PDLIM1: variants seen among roughly 807,000 people sequenced by gnomAD.
PDLIM1 encodes PDZ and LIM domain protein 1.
In PDLIM1, 25 loss-of-function variants were observed where a neutral mutation model predicts 35.2. The observed-to-expected ratio is 0.71, with a 90% confidence interval of 0.52 to 0.99. PDLIM1 has a LOEUF of 0.99. Ranked by LOEUF, PDLIM1 falls within the 50% of genes least tolerant of loss-of-function variation. The pLI is 0.00. For missense variants in PDLIM1, 363 were observed against 415.3 expected, an observed-to-expected ratio of 0.87 and a Z score of 1.09; for synonymous variants, 152 against 154.0, an observed-to-expected ratio of 0.99 and a Z score of 0.10.
intron 4 of PDLIM1, among the ~76,000 whole-genome samples, chr10:95,251,695 G>A (rs1013040623): frequency 6.6e-6 from 1 of 152,180 alleles, no homozygotes; most frequent in Non-Finnish European, 1.5e-5. Flanking sequence ...GGAGAAGATG[G>A]TCTCCTCATA....
Position 95,290,811 on chromosome 10 carries a change from TG to T in PDLIM1, c.96+8del. ...GCCCCGCTTCCACGCACGTCCCAGC[TG>T]CTCTTACCCGGGAAATGGCGAGAGG... On this transcript the variant is annotated splice_region_variant and intron_variant, in intron 1 of 6. Coordinates refer to ENST00000329399, the MANE Select transcript of PDLIM1 (RefSeq NM_020992.4). This position sits in a 1 kb window ranked among gnomAD's most constrained non-coding sequence, Gnocchi z 4.7. 1 of 1,544,114 alleles carries T rather than the reference TG, an allele frequency of 6.5e-7. No individual in the cohort carries two copies. Among genetic ancestry groups the T allele is most frequent in the Non-Finnish European group, 8.8e-7 (1 of 1,140,568 alleles).
At chr10:95,254,080 G>A (rs1277881994) in intron 4 of PDLIM1, among the ~76,000 whole-genome samples, 1 of 152,000 alleles carries the variant, frequency 6.6e-6, no homozygotes, top group Non-Finnish European at 1.5e-5. Context: ...AAACAGAAAT[G>A]GAAAACAGAA....
At chr10:95,281,324 A>C (rs1257825260) in intron 1 of PDLIM1, among the ~76,000 whole-genome samples, 1 of 152,000 alleles carries the variant, frequency 6.6e-6, no homozygotes, top group East Asian at 1.9e-4. Context: ...CATGCCTATA[A>C]TCCCAGTACT....
At chr10:95,285,101 A>G (rs1204003537) in intron 1 of PDLIM1, among the ~76,000 whole-genome samples, 2 of 152,130 alleles carry the variant, frequency 1.3e-5, no homozygotes, top group Non-Finnish European at 2.9e-5. Context: ...ATCCCCCACA[A>G]GCAGGTCTTT....
intron 4 of PDLIM1, among the ~76,000 whole-genome samples, chr10:95,249,464 A>C (rs1036652673): frequency 6.6e-6 from 1 of 152,266 alleles, no homozygotes; most frequent in Admixed American, 6.5e-5. Flanking sequence ...TAAAGTCTCC[A>C]GCCCACCAGG....
chr10:95,270,138 A>G (rs1409441346), intron 2 of PDLIM1, among the ~76,000 whole-genome samples: 1 of 152,198 alleles, frequency 6.6e-6, no homozygotes, highest in Non-Finnish European at 1.5e-5. Flanking sequence ...TCAATGAATG[A>G]ATGAATGTCC....
chr10:95,260,344 T>C (rs886403361), intron 4 of PDLIM1, among the ~76,000 whole-genome samples: 2 of 152,190 alleles, frequency 1.3e-5, no homozygotes, highest in African/African-American at 4.8e-5. Context: ...CAGTATCATA[T>C]AAACAATGAA....
rs371813071 is a variant in PDLIM1, at chr10:95,257,002, G to GAAAAGAAAAGAAAAGA, written c.533+6861_533+6862insTCTTTTCTTTTCTTTT. The stretch of plus-strand genomic sequence containing the variant: ...AAAAAAAAAAAAAGAAAGAAAGAAA[G>GAAAAGAAAAGAAAAGA]AAAGAAAGAAAGAAAGAAAGAAAGA... On this transcript the variant is annotated intron_variant, in intron 4 of 6. Coordinates refer to ENST00000329399, the MANE Select transcript of PDLIM1 (RefSeq NM_020992.4). Among the ~76,000 whole-genome samples, 518 of 88,632 alleles carry GAAAAGAAAAGAAAAGA rather than the reference G, an allele frequency of 5.8e-3. 9 individuals carry two copies. Among genetic ancestry groups the GAAAAGAAAAGAAAAGA allele is most frequent in the African/African-American group, 0.015 (499 of 32,530 alleles). The allele number at this position is 88,632 out of a possible 152,430, so 58.1% of individuals were successfully genotyped here.
chr10:95,286,802 G>A (rs1430567911), intron 1 of PDLIM1, among the ~76,000 whole-genome samples: 1 of 152,210 alleles, frequency 6.6e-6, no homozygotes, highest in Non-Finnish European at 1.5e-5. Flanking sequence ...GGCAAAGAAT[G>A]CTAGCTTTCC....
chr10:95,238,672 C>A lies in PDLIM1; in HGVS notation c.699G>T (p.Lys233Asn). ...CTTTAACACTTCTGAATCCTGAGGG[C>A]TTGTTGGGATCCCCTGAAATGAGGA... ...LESEEKGDPN[K>N]PSGFRSVKAP... Residue 233 changes from lysine (K) to asparagine (N), a missense_variant, in exon 6 of 7, where the codon AAG becomes AAT. Coordinates refer to ENST00000329399, the MANE Select transcript of PDLIM1 (RefSeq NM_020992.4). 1.2e-6 allele frequency: 2 copies of A among 1,611,098 alleles called. No homozygotes were observed. The highest frequency in any genetic ancestry group is 1.1e-5 in the South Asian group (1 of 91,014).
chr10:95,245,535 T>C, intron 5 of PDLIM1, among the ~76,000 whole-genome samples: 1 of 151,904 alleles, frequency 6.6e-6, no homozygotes, highest in South Asian at 2.1e-4. Context: ...CATTGAAGGG[T>C]TTCACATCCA....
chr10:95,271,613 A>C lies in PDLIM1; in HGVS notation c.248+20T>G. 10 of 1,582,622 alleles carry C rather than the reference A, an allele frequency of 6.3e-6. No homozygotes were observed. The highest frequency in any genetic ancestry group is 8.5e-6 in the Non-Finnish European group (10 of 1,170,762). ...CTTCTAGTCAATCAGAAATGAACAAAACGTTTCCATAGGCTTCACCTGGCT... is the reference window on the plus strand; with the variant it reads ...CTTCTAGTCAATCAGAAATGAACAACACGTTTCCATAGGCTTCACCTGGCT... On this transcript the variant is annotated intron_variant, in intron 2 of 6. Coordinates refer to ENST00000329399, the MANE Select transcript of PDLIM1 (RefSeq NM_020992.4).
At position 95,238,055 on chromosome 10, in the gene PDLIM1, G is replaced by A; in HGVS notation, c.860C>T (p.Thr287Ile). The change falls in exon 7 of 7, where the codon ACT becomes ATT. Residue 287 changes from threonine to isoleucine, a missense_variant. Coordinates refer to ENST00000329399, the MANE Select transcript of PDLIM1 (RefSeq NM_020992.4). ...RHRHPECYVC[T>I]DCGTNLKQKG... ...CTGTTTCAGGTTGGTGCCACAGTCA[G>A]TGCACACATAACACTCAGGGTGGCG... 6.2e-7 allele frequency: 1 copy of A among 1,614,120 alleles called. No homozygotes were observed. Among genetic ancestry groups the A allele is most frequent in the Non-Finnish European group, 8.5e-7 (1 of 1,179,992 alleles).
intron 2 of PDLIM1, among the ~76,000 whole-genome samples, chr10:95,270,509 G>A (rs1042671700): frequency 5.3e-5 from 8 of 152,210 alleles, no homozygotes; most frequent in East Asian, 3.9e-4. Context: ...AATCACTTCC[G>A]AAATCCTGCC....
At chr10:95,282,620 A>G (rs888379711) in intron 1 of PDLIM1, among the ~76,000 whole-genome samples, 2 of 152,302 alleles carry the variant, frequency 1.3e-5, no homozygotes, top group Non-Finnish European at 2.9e-5. Context: ...CAGGTAGCCA[A>G]ATAGAATACT....
intron 1 of PDLIM1, among the ~76,000 whole-genome samples, chr10:95,275,856 G>A (rs2035506604): frequency 6.6e-6 from 1 of 152,050 alleles, no homozygotes; most frequent in African/African-American, 2.4e-5. Context: ...GAGTAATTGA[G>A]GTCTGGTCAT....
intron 4 of PDLIM1, among the ~76,000 whole-genome samples, chr10:95,261,200 A>G (rs1028728547): frequency 1.3e-5 from 2 of 152,228 alleles, no homozygotes; most frequent in South Asian, 2.1e-4. Context: ...GAAGAGAGAC[A>G]TTAATGAAGG....
chr10:95,265,157 C>A (rs2035401154), intron 3 of PDLIM1, among the ~76,000 whole-genome samples: 1 of 152,086 alleles, frequency 6.6e-6, no homozygotes, highest in South Asian at 2.1e-4. Context: ...TCATCTGTTG[C>A]ACTTCCTTTT....
intron 2 of PDLIM1, among the ~76,000 whole-genome samples, chr10:95,269,850 C>T (rs1460903892): frequency 6.6e-6 from 1 of 152,114 alleles, no homozygotes; most frequent in Admixed American, 6.5e-5. Context: ...ATTCTCCCAG[C>T]CCAGTCTCCC....
Sources: allele counts gnomAD v4.1 joint callset (sites outside exome capture counted in the v4.1 genomes callset), GRCh38; gene constraint gnomAD v4.1.1; non-coding constraint Gnocchi (gnomAD v3.1); transcripts MANE v1.5; gene names NCBI Gene and HGNC (gene_info 2026-07-23, HGNC 2026-07-21).